PPM1H: variants seen among roughly 807,000 people sequenced by gnomAD.
PPM1H encodes protein phosphatase 1H.
A neutral mutation model predicts 54.9 loss-of-function variants in PPM1H; 27 were observed. The ratio of observed to expected loss-of-function variants is 0.49; its 90% confidence interval spans 0.36 to 0.68. The LOEUF is 0.68. PPM1H is among the 30% of genes least tolerant of loss of function. PPM1H has a pLI of 0.00. For synonymous variants in PPM1H, 305 were observed against 270.8 expected (o/e 1.13, Z -1.24); for missense variants, 596 against 667.8 (o/e 0.89, Z 1.19).
intron 8 of PPM1H, among the ~76,000 whole-genome samples, chr12:62,673,221 T>G (rs1186534858): frequency 6.6e-6 from 1 of 152,182 alleles, no homozygotes; most frequent in Non-Finnish European, 1.5e-5. Flanking sequence ...CACAGAGCCC[T>G]CAGCTTCAGA....
chr12:62,720,419 GTAAA>G (rs1430452525), intron 5 of PPM1H, 130 bp from the exon 6 acceptor site: 2 of 643,896 alleles, frequency 3.1e-6, no homozygotes, highest in African/African-American at 3.6e-5. Context: ...CATATTTTAA[GTAAA>G]TAGATTTCAG....
At position 62,788,280 on chromosome 12, in the gene PPM1H, AG is replaced by A; in HGVS notation, c.814del (p.Leu272SerfsTer3). On this transcript the variant is annotated frameshift_variant, in exon 4 of 10. Transcript: ENST00000228705. LOFTEE classifies it high-confidence loss of function. ...SYNISGGCTA[L>X]IVICLLGKLY... Reference sequence around the variant, plus strand: ...CTTCCCCAAAAGGCAAATCACAATGAGGGCCGTGCAGCCACCAGATATATTA... The same window carrying A: ...CTTCCCCAAAAGGCAAATCACAATGAGGCCGTGCAGCCACCAGATATATTA... 1.3e-6 allele frequency: 2 copies of A among 1,598,220 alleles called. No homozygotes were observed. Among genetic ancestry groups the A allele is most frequent in the Admixed American group, 1.7e-5 (1 of 57,858 alleles).
In PPM1H at chr12:62,873,107, AC is replaced by A. The variant is rs1284295979; in HGVS notation, c.246-40829del. ...AGACCTGGTTAGTGGCAGGGTTAGG[AC>A]TCTATTTTGATATAACTCATCTGAG... On this transcript the variant is annotated intron_variant, in intron 1 of 9. Transcript: ENST00000228705. Among the ~76,000 whole-genome samples, 51 of 152,198 alleles carry A rather than the reference AC, an allele frequency of 3.4e-4. 1 individual carries two copies. Among genetic ancestry groups the A allele is most frequent in the African/African-American group, 1.2e-3 (50 of 41,538 alleles).
At chr12:62,704,852 C>T (rs2076164377) in intron 6 of PPM1H, among the ~76,000 whole-genome samples, 1 of 152,162 alleles carries the variant, frequency 6.6e-6, no homozygotes, top group Admixed American at 6.5e-5. Flanking sequence ...GTAGGTTTAA[C>T]CAACAGTCCC....
At chr12:62,902,419 T>C (rs1445770711) in intron 1 of PPM1H, among the ~76,000 whole-genome samples, 4 of 152,012 alleles carry the variant, frequency 2.6e-5, no homozygotes, top group African/African-American at 9.7e-5. Context: ...TAAAAAAATT[T>C]AGGATTTTTA....
In PPM1H at chr12:62,760,556, C is replaced by T. The variant is rs143151588; in HGVS notation, c.870-22970G>A. Among the ~76,000 whole-genome samples, 34 of 152,328 alleles carry T rather than the reference C, an allele frequency of 2.2e-4. No individual in the cohort carries two copies. In the East Asian group the frequency reaches 4.8e-3, roughly 22 times the overall value. ...TTTCATTCTGCAACTAGCTCTCCCC[C>T]ACCTGCTCAACAATTTCCGCTTAGA... is the stretch of plus-strand genomic sequence containing the variant. On this transcript the variant is annotated intron_variant, in intron 4 of 9. Coordinates refer to ENST00000228705, the MANE Select transcript of PPM1H (RefSeq NM_020700.2).
At chr12:62,902,384 A>T (rs1871185961) in intron 1 of PPM1H, among the ~76,000 whole-genome samples, 1 of 151,584 alleles carries the variant, frequency 6.6e-6, no homozygotes, top group African/African-American at 2.4e-5. Context: ...AATAAAATAA[A>T]AAAATAATAA....
At chr12:62,649,912 T>A (rs964338254) in intron 9 of PPM1H, among the ~76,000 whole-genome samples, 24 of 152,220 alleles carry the variant, frequency 1.6e-4, no homozygotes, top group African/African-American at 5.5e-4. Context: ...GCCAGACTGG[T>A]AAATCATCAA....
chr12:62,756,268 G>C, intron 4 of PPM1H: 1 of 665,684 alleles, frequency 1.5e-6, no homozygotes, highest in South Asian at 1.4e-5. Context: ...GAGAGCGAGA[G>C]AGGAAGAGAG....
chr12:62,658,579 T>C (rs1394261645), intron 9 of PPM1H, among the ~76,000 whole-genome samples: 2 of 152,150 alleles, frequency 1.3e-5, no homozygotes, highest in Non-Finnish European at 2.9e-5. Flanking sequence ...CTCCAAATCA[T>C]GTAGGATCTT....
chr12:62,740,346 T>G (rs1289061080), intron 4 of PPM1H, among the ~76,000 whole-genome samples: 1 of 152,206 alleles, frequency 6.6e-6, no homozygotes, highest in East Asian at 1.9e-4. Context: ...AGGCAGCATC[T>G]GACTGTCTCC....
At chr12:62,691,618 G>A (rs2136639302) in intron 7 of PPM1H, among the ~76,000 whole-genome samples, 1 of 152,194 alleles carries the variant, frequency 6.6e-6, no homozygotes, top group Admixed American at 6.5e-5. Flanking sequence ...GAGCCCAGGA[G>A]TTTGAGACTA....
chr12:62,838,748 C>T lies in PPM1H; in HGVS notation c.246-6469G>A, dbSNP rs1302178468. On this transcript the variant is annotated intron_variant, in intron 1 of 9. Transcript: ENST00000228705. Reference sequence around the variant, plus strand: ...CATCCTGGCTAACACGGTGAAACCCCGTCTCTACTAAAAATACAAAAAATT... The same window carrying T: ...CATCCTGGCTAACACGGTGAAACCCTGTCTCTACTAAAAATACAAAAAATT... Among the ~76,000 whole-genome samples the T allele has an allele frequency of 8.3e-5, 10 of 120,454 alleles. 1 individual carries two copies. The highest frequency in any genetic ancestry group is 2.2e-4 in the African/African-American group (6 of 26,864). 79.0% of individuals were successfully genotyped at this position (120,454 alleles called of 152,430 possible). A position where few individuals can be genotyped will look rare whatever the true frequency, so the allele number is the denominator to read the frequency against.
chr12:62,855,022 C>T lies in PPM1H; in HGVS notation c.246-22743G>A, dbSNP rs186161802. Among the ~76,000 whole-genome samples, 333 of 152,154 alleles carry T rather than the reference C, an allele frequency of 2.2e-3. 3 individuals are homozygous for T. The highest frequency in any genetic ancestry group is 0.017 in the Middle Eastern group (5 of 294). ...TAGTTTCCTCTAAACCAGCCACTTT[C>T]CAGAGTCAAACACAGGAGAGTCAGC... is the stretch of plus-strand genomic sequence containing the variant. On this transcript the variant is annotated intron_variant, in intron 1 of 9. Transcript: ENST00000228705.
intron 1 of PPM1H, among the ~76,000 whole-genome samples, chr12:62,901,096 A>C (rs1335501116): frequency 6.6e-6 from 1 of 152,178 alleles, no homozygotes; most frequent in Non-Finnish European, 1.5e-5. Flanking sequence ...ACATTTTTGC[A>C]TCATGTAGTT....
chr12:62,909,582 C>G (rs1871396018), intron 1 of PPM1H, among the ~76,000 whole-genome samples: 1 of 152,232 alleles, frequency 6.6e-6, no homozygotes, highest in Non-Finnish European at 1.5e-5. Flanking sequence ...GTATGTCACT[C>G]TCTGATTTCA....
At chr12:62,786,850 T>C (rs1565788193) in intron 4 of PPM1H, among the ~76,000 whole-genome samples, 3 of 152,240 alleles carry the variant, frequency 2.0e-5, no homozygotes, top group African/African-American at 4.8e-5. Flanking sequence ...TTTTACAACA[T>C]GTATTACACA....
chr12:62,876,667 C>A (rs12823199), intron 1 of PPM1H, among the ~76,000 whole-genome samples: 1 of 152,144 alleles, frequency 6.6e-6, no homozygotes, highest in Admixed American at 6.5e-5. Context: ...AGAGCGGAAA[C>A]CAGCTGAACA....
At chr12:62,923,391 T>C (rs1038058837) in intron 1 of PPM1H, among the ~76,000 whole-genome samples, 2 of 152,178 alleles carry the variant, frequency 1.3e-5, no homozygotes, top group Non-Finnish European at 2.9e-5. Context: ...TTGAAAATTT[T>C]TTTTTCTTTT....
Sources: allele counts gnomAD v4.1 joint callset (sites outside exome capture counted in the v4.1 genomes callset), GRCh38; gene constraint gnomAD v4.1.1; transcripts MANE v1.5; gene names NCBI Gene and HGNC (gene_info 2026-07-23, HGNC 2026-07-21).